ADAMTS6: variants seen among roughly 807,000 people sequenced by gnomAD.
ADAMTS6 encodes the protein ADAM metallopeptidase with thrombospondin type 1 motif 6.
Under a neutral mutation model 144.3 loss-of-function variants are expected in ADAMTS6, and 23 were observed. The ratio of observed to expected loss-of-function variants is 0.16; its 90% CI spans 0.11 to 0.23. The LOEUF is 0.23. Among genes scored for constraint, ADAMTS6 ranks in the 10% least tolerant of loss-of-function variants. The pLI is 1.00. For missense variants in ADAMTS6, 999 were observed against 1,379.6 expected (o/e 0.72, Z 4.37); for synonymous variants, 444 against 457.5 (o/e 0.97, Z 0.38).
intron 7 of ADAMTS6, among the ~76,000 whole-genome samples, chr5:65,402,150 C>T (rs748646663): frequency 1.7e-4 from 26 of 152,092 alleles, no homozygotes; most frequent in Non-Finnish European, 2.5e-4. Context: ...TGTTCCTCAC[C>T]GTCTTCACAT....
At chr5:65,219,062 A>G (rs1367637912) in intron 18 of ADAMTS6, among the ~76,000 whole-genome samples, 1 of 152,194 alleles carries the variant, frequency 6.6e-6, no homozygotes, top group Admixed American at 6.5e-5. Flanking sequence ...GAAGGCATGA[A>G]AGGAGGATTA....
chr5:65,157,379 T>C (rs1364123052), intron 24 of ADAMTS6, among the ~76,000 whole-genome samples: 2 of 152,252 alleles, frequency 1.3e-5, no homozygotes, highest in Non-Finnish European at 2.9e-5. Context: ...AATTGTGACT[T>C]TGAAGGCTTG....
At chr5:65,379,668 T>A (rs946661649) in intron 7 of ADAMTS6, among the ~76,000 whole-genome samples, 1 of 152,050 alleles carries the variant, frequency 6.6e-6, no homozygotes, top group Non-Finnish European at 1.5e-5. Context: ...CGCTTTCTCC[T>A]CCCAGCCCTC....
At chr5:65,271,031 C>T (rs1382061910) in intron 12 of ADAMTS6, among the ~76,000 whole-genome samples, 1 of 151,984 alleles carries the variant, frequency 6.6e-6, no homozygotes, top group African/African-American at 2.4e-5. Flanking sequence ...CTTTAGAAAT[C>T]AAATATATTT....
intron 15 of ADAMTS6, among the ~76,000 whole-genome samples, chr5:65,230,279 A>G: frequency 1.2e-5 from 1 of 83,900 alleles, no homozygotes. Context: ...AAAGCAAAAT[A>G]CCTAAAGCAT....
intron 9 of ADAMTS6, among the ~76,000 whole-genome samples, chr5:65,320,035 G>C (rs893351171): frequency 4.6e-5 from 7 of 152,012 alleles, no homozygotes; most frequent in African/African-American, 1.4e-4. Context: ...TAGAGACGGG[G>C]TTTCTCCTTG....
intron 22 of ADAMTS6, among the ~76,000 whole-genome samples, chr5:65,187,606 T>C (rs1579995321): frequency 6.6e-6 from 1 of 152,178 alleles, no homozygotes; most frequent in African/African-American, 2.4e-5. Context: ...CCAAATGAGA[T>C]CCTAGAAAAG....
chr5:65,177,967 C>T (rs984573804), intron 22 of ADAMTS6, among the ~76,000 whole-genome samples: 2 of 152,164 alleles, frequency 1.3e-5, no homozygotes, highest in Admixed American at 6.5e-5. Flanking sequence ...CAGGTCAGTC[C>T]CCGAGGGCCA....
chr5:65,363,762 T>G (rs1750047798), intron 7 of ADAMTS6, among the ~76,000 whole-genome samples: 1 of 152,190 alleles, frequency 6.6e-6, no homozygotes, highest in South Asian at 2.1e-4. Context: ...AAATAATCTT[T>G]AGGGAAAACT....
At chr5:65,207,061 A>G (rs1397338359) in intron 20 of ADAMTS6, among the ~76,000 whole-genome samples, 1 of 152,230 alleles carries the variant, frequency 6.6e-6, no homozygotes, top group African/African-American at 2.4e-5. Flanking sequence ...AGTATATGTA[A>G]AATAAAATCT....
chr5:65,410,020 C>A (rs1318199548), intron 7 of ADAMTS6, among the ~76,000 whole-genome samples: 1 of 152,154 alleles, frequency 6.6e-6, no homozygotes, highest in Non-Finnish European at 1.5e-5. Context: ...TTTGTAATTT[C>A]ACAAAATTAT....
At chr5:65,197,736 C>T (rs1755477744) in intron 20 of ADAMTS6, among the ~76,000 whole-genome samples, 1 of 152,162 alleles carries the variant, frequency 6.6e-6, no homozygotes, top group African/African-American at 2.4e-5. Context: ...TGGACTGTAA[C>T]CAACTAGTCT....
chr5:65,193,328 C>G (rs951099882), intron 21 of ADAMTS6, among the ~76,000 whole-genome samples: 1 of 151,746 alleles, frequency 6.6e-6, no homozygotes, highest in Non-Finnish European at 1.5e-5. Flanking sequence ...GAGTTCATAT[C>G]CTTAATACAT....
chr5:65,260,968 A>G (rs1761147735), intron 13 of ADAMTS6, among the ~76,000 whole-genome samples: 4 of 152,066 alleles, frequency 2.6e-5, no homozygotes, highest in Admixed American at 2.6e-4. Context: ...TTGAATCAAT[A>G]TATTTTCTAA....
chr5:65,196,480 G>A lies in ADAMTS6; in HGVS notation c.2705+542C>T, dbSNP rs186070979. On this transcript the variant is annotated intron_variant, in intron 21 of 24. Transcript: ENST00000381055. ...AGAGCTTGCAGTAAGCCGAGATCGC[G>A]CCACTGCACTCCAGCCTGGGCGACA... 2.3e-3 allele frequency among the ~76,000 whole-genome samples: 280 copies of A among 120,080 alleles called. 2 individuals are homozygous for A. The highest frequency in any genetic ancestry group is 6.9e-3 in the African/African-American group (219 of 31,868). 78.8% of individuals were successfully genotyped at this position (120,080 alleles called of 152,430 possible). A position where few individuals can be genotyped will look rare whatever the true frequency, so the allele number is the denominator to read the frequency against.
intron 24 of ADAMTS6, among the ~76,000 whole-genome samples, chr5:65,155,240 A>AT (rs1256552183): frequency 1.1e-4 from 16 of 152,196 alleles, no homozygotes; most frequent in Non-Finnish European, 7.4e-5. Flanking sequence ...TATATTATAT[A>AT]TATATGTTAA....
At chr5:65,252,534 C>T (rs1053056105) in intron 14 of ADAMTS6, among the ~76,000 whole-genome samples, 5 of 151,092 alleles carry the variant, frequency 3.3e-5, no homozygotes, top group Non-Finnish European at 7.4e-5. Flanking sequence ...AGCCATTGTG[C>T]CTGGCAATTT....
rs78221622 is a variant in ADAMTS6, at chr5:65,458,953, G to A, written c.631+1217C>T. Reference sequence around the variant, plus strand: ...AGCACTCAGAGAGGTTGGGTAATTCGTCCTATGCTATATCAAAGCGCATGT... The same window carrying A: ...AGCACTCAGAGAGGTTGGGTAATTCATCCTATGCTATATCAAAGCGCATGT... On this transcript the variant is annotated intron_variant, in intron 4 of 24. Transcript: ENST00000381055. Among the ~76,000 whole-genome samples, 661 of 152,092 alleles carry A rather than the reference G, an allele frequency of 4.3e-3. 2 individuals are homozygous for A. The highest frequency in any genetic ancestry group is 8.0e-3 in the Non-Finnish European group (542 of 67,978).
intron 11 of ADAMTS6, among the ~76,000 whole-genome samples, chr5:65,287,657 A>C (rs1741809949): frequency 6.6e-6 from 1 of 152,044 alleles, no homozygotes; most frequent in Non-Finnish European, 1.5e-5. Flanking sequence ...CAGCCTCCCG[A>C]GTAGCTGGGA....
Sources: gnomAD v4.1 joint callset for allele counts (sites outside exome capture counted in the v4.1 genomes callset) on GRCh38, gnomAD v4.1.1 for gene constraint, MANE v1.5 for transcripts, NCBI Gene and HGNC (gene_info 2026-07-23, HGNC 2026-07-21) for gene names.